LDB3: variants seen among roughly 807,000 people sequenced by gnomAD.
LDB3 encodes the protein LIM domain-binding protein 3.
Under a neutral mutation model 69.0 loss-of-function variants are expected in LDB3, and 49 were observed. The ratio of observed to expected loss-of-function variants is 0.71; its 90% confidence interval spans 0.56 to 0.90. LDB3 has a LOEUF of 0.90. Ranked by LOEUF, LDB3 falls within the 40% of genes least tolerant of loss-of-function variation. LDB3 has a pLI of 0.00. For missense variants in LDB3, 928 were observed against 974.1 expected (o/e 0.95, Z 0.63); for synonymous variants, 387 against 396.2 (o/e 0.98, Z 0.28).
At chr10:86,691,773 A>G (rs535201838) in intron 5 of LDB3, 123 bp from the exon 6 acceptor site, 1 of 1,128,202 alleles carries the variant, frequency 8.9e-7, no homozygotes, top group Non-Finnish European at 1.3e-6. Flanking sequence ...TCAGACAGCA[A>G]TGGATAAAGG....
intron 12 of LDB3, 84 bp downstream of exon 12, chr10:86,718,931 C>G (rs1846977317): frequency 6.4e-7 from 1 of 1,560,378 alleles, no homozygotes. Context: ...CTGCCTAATC[C>G]ATTCACATCC....
At chr10:86,682,487 G>T (rs1299661816) in intron 5 of LDB3, among the ~76,000 whole-genome samples, 3 of 152,148 alleles carry the variant, frequency 2.0e-5, no homozygotes, top group African/African-American at 7.2e-5. Context: ...CAGGTAAAAG[G>T]ACATGGGACT....
chr10:86,678,498 C>T (rs1844931366), intron 2 of LDB3, among the ~76,000 whole-genome samples: 1 of 151,800 alleles, frequency 6.6e-6, no homozygotes, highest in Non-Finnish European at 1.5e-5. Flanking sequence ...CACCACCAGG[C>T]ATGGCTAATT....
chr10:86,675,749 G>A lies in LDB3; in HGVS notation c.94-3618G>A, dbSNP rs191287726. ...GGGATGGAGTGTGATAAAGCAAAGCGAGTGAAATGTTATGGTACAGCCATG... is the reference window on the plus strand; with the variant it reads ...GGGATGGAGTGTGATAAAGCAAAGCAAGTGAAATGTTATGGTACAGCCATG... On this transcript the variant is annotated intron_variant, in intron 2 of 13. Transcript: ENST00000361373. Among the ~76,000 whole-genome samples, 43 of 152,366 alleles carry A rather than the reference G, an allele frequency of 2.8e-4. No homozygotes were observed. The East Asian group carries it at 8.1e-3, about 29-fold the overall frequency.
At chr10:86,691,217 G>T (rs187612447) in intron 5 of LDB3, among the ~76,000 whole-genome samples, 1 of 152,214 alleles carries the variant, frequency 6.6e-6, no homozygotes, top group African/African-American at 2.4e-5. Flanking sequence ...CTAAGGGAAG[G>T]TCACCTGGTC....
chr10:86,709,659 C>T (rs1228744933), intron 8 of LDB3, among the ~76,000 whole-genome samples: 1 of 152,210 alleles, frequency 6.6e-6, no homozygotes, highest in African/African-American at 2.4e-5. Context: ...GAAGGGTCTT[C>T]CCGGTGTCCT....
chr10:86,710,273 A>C (rs1846596653), intron 9 of LDB3: 1 of 985,016 alleles, frequency 1.0e-6, no homozygotes, highest in East Asian at 1.1e-4. Context: ...GATGATTCTA[A>C]GGGAGAGCGA....
chr10:86,710,129 T>A, intron 9 of LDB3, 79 bp downstream of exon 9: 2 of 1,576,840 alleles, frequency 1.3e-6, no homozygotes, highest in East Asian at 4.6e-5. Context: ...GAAGTGGCTC[T>A]GGGGGCACAT....
intron 13 of LDB3, among the ~76,000 whole-genome samples, chr10:86,728,581 C>CTTTTGTTTTTTTT (rs1554868868): frequency 0.027 from 2,671 of 97,438 alleles, 55 homozygotes; most frequent in South Asian, 0.076. Context: ...GAACATGGTT[C>CTTTTGTTTTTTTT]TTTTGTTTTT....
chr10:86,725,049 T>C (rs1381665618), intron 12 of LDB3, among the ~76,000 whole-genome samples: 1 of 152,222 alleles, frequency 6.6e-6, no homozygotes, highest in Non-Finnish European at 1.5e-5. Context: ...TGAATGGACA[T>C]ACTATCCACA....
intron 5 of LDB3, chr10:86,686,951 G>T: frequency 1.1e-6 from 1 of 911,322 alleles, no homozygotes; most frequent in Non-Finnish European, 1.8e-6. Flanking sequence ...CCTCGGCTCT[G>T]GGAGATCTCT....
chr10:86,678,114 C>A (rs1449255131), intron 2 of LDB3, among the ~76,000 whole-genome samples: 2 of 152,146 alleles, frequency 1.3e-5, no homozygotes, highest in African/African-American at 2.4e-5. Context: ...TAGCTCACTA[C>A]AACCTCCACC....
chr10:86,701,174 C>T lies in LDB3; in HGVS notation c.897-5357C>T, dbSNP rs542723058. ...TGCCCGGGCCAGGCAGCCTTCATCC[C>T]GCTGCCTTCATCTAGGCCTCCTGGA... On this transcript the variant is annotated intron_variant, in intron 7 of 13. Transcript: ENST00000361373. 7.9e-5 allele frequency among the ~76,000 whole-genome samples: 12 copies of T among 152,354 alleles called. No individual in the cohort carries two copies. In the East Asian group the frequency reaches 2.1e-3, roughly 27 times the overall value.
At chr10:86,696,436 G>A (rs1009545291) in intron 7 of LDB3, among the ~76,000 whole-genome samples, 11 of 152,352 alleles carry the variant, frequency 7.2e-5, no homozygotes, top group South Asian at 4.1e-4. Flanking sequence ...CTGGGAGGTC[G>A]TCTTTCTTGC....
chr10:86,685,347 A>C (rs139124284), intron 5 of LDB3, among the ~76,000 whole-genome samples: 2 of 152,284 alleles, frequency 1.3e-5, no homozygotes, highest in African/African-American at 4.8e-5. Context: ...TGGGGTCTAT[A>C]GCCAGGTTTG....
intron 5 of LDB3, chr10:86,686,954 A>T (rs1343698520): frequency 3.3e-6 from 3 of 920,040 alleles, no homozygotes; most frequent in Non-Finnish European, 5.3e-6. Flanking sequence ...CGGCTCTGGG[A>T]GATCTCTCTC....
At position 86,716,337 on chromosome 10, in the gene LDB3, T is replaced by C. The variant is rs1846868256; in HGVS notation, c.1242T>C (p.Ser414=). ...TTTTGGCTTTTGCAGTGCCTGCATC[T>C]ACCTACAGCCCGTCCCCAGGGGCCA... is the stretch of plus-strand genomic sequence containing the variant. The part of the protein sequence containing the change: ...RPSVYQPVPA[S]TYSPSPGANY... The change falls in exon 10 of 14, where the codon TCT becomes TCC. Residue 414 remains serine (S), a synonymous_variant. Transcript: ENST00000361373. The C allele has an allele frequency of 1.1e-5, 17 of 1,611,662 alleles. No homozygotes were observed. Among genetic ancestry groups the C allele is most frequent in the Non-Finnish European group, 1.4e-5 (17 of 1,179,920 alleles).
intron 4 of LDB3, among the ~76,000 whole-genome samples, chr10:86,681,072 A>C (rs1845092347): frequency 6.6e-6 from 1 of 152,236 alleles, no homozygotes; most frequent in Non-Finnish European, 1.5e-5. Flanking sequence ...GTGGAGCAGG[A>C]GGCTGGGCTG....
chr10:86,673,240 G>A (rs1402292459), intron 2 of LDB3, among the ~76,000 whole-genome samples: 2 of 152,260 alleles, frequency 1.3e-5, no homozygotes, highest in Admixed American at 6.5e-5. Flanking sequence ...AGGCAGGAGA[G>A]ACTCAAGAGA....
Sources: gnomAD v4.1 joint callset for allele counts (sites outside exome capture counted in the v4.1 genomes callset) on GRCh38, gnomAD v4.1.1 for gene constraint, MANE v1.5 for transcripts, NCBI Gene and HGNC (gene_info 2026-07-23, HGNC 2026-07-21) for gene names.